The following MDFIC2 variants were observed in gnomAD, a reference collection of about 807,000 sequenced individuals.
MDFIC2 encodes MyoD family inhibitor domain containing 2.
At chr3:70,265,450 C>T (rs1255080943) in intron 2 of MDFIC2, among the ~76,000 whole-genome samples, 1 of 152,034 alleles carries the variant, frequency 6.6e-6, no homozygotes, top group Non-Finnish European at 1.5e-5. Flanking sequence ...TGATGACCAC[C>T]ACCCCAACCC....
chr3:70,223,850 A>T (rs1193760814), intron 2 of MDFIC2, among the ~76,000 whole-genome samples: 1 of 151,902 alleles, frequency 6.6e-6, no homozygotes, highest in African/African-American at 2.4e-5. Context: ...ACCCTTTTAG[A>T]CTTAATCTTT....
intron 2 of MDFIC2, among the ~76,000 whole-genome samples, chr3:70,297,978 CA>C (rs1206613286): frequency 3.3e-5 from 5 of 151,964 alleles, no homozygotes; most frequent in African/African-American, 4.8e-5. Context: ...CTTAAATAAT[CA>C]GGGGAGAAAT....
intron 2 of MDFIC2, among the ~76,000 whole-genome samples, chr3:70,286,068 T>A (rs1201990858): frequency 6.6e-6 from 1 of 152,202 alleles, no homozygotes; most frequent in Non-Finnish European, 1.5e-5. Context: ...TTTAATGAGA[T>A]CCCATTTGTC....
At chr3:70,244,589 A>G (rs1006109889) in intron 2 of MDFIC2, among the ~76,000 whole-genome samples, 5 of 152,356 alleles carry the variant, frequency 3.3e-5, no homozygotes, top group Admixed American at 2.6e-4. Flanking sequence ...TGACTGGTGA[A>G]TAAAATGAAA....
At chr3:70,305,974 T>C (rs1440506100) in intron 2 of MDFIC2, among the ~76,000 whole-genome samples, 1 of 152,204 alleles carries the variant, frequency 6.6e-6, no homozygotes, top group Admixed American at 6.6e-5. Flanking sequence ...CTCTAATATG[T>C]GTTAATTCTG....
At chr3:70,290,749 T>G (rs6549328) in intron 2 of MDFIC2, among the ~76,000 whole-genome samples, 41,986 of 152,008 alleles carry the variant, frequency 0.28, 6,496 homozygotes, top group East Asian at 0.44. Flanking sequence ...CAGGTGCAGG[T>G]TATAATCTCG....
intron 2 of MDFIC2, among the ~76,000 whole-genome samples, chr3:70,262,769 A>T (rs1302016408): frequency 6.6e-6 from 1 of 152,054 alleles, no homozygotes; most frequent in African/African-American, 2.4e-5. Context: ...GAAGATCTTT[A>T]GTTGTTATTT....
chr3:70,213,605 GT>G (rs1377861635), intron 2 of MDFIC2, among the ~76,000 whole-genome samples: 1 of 152,112 alleles, frequency 6.6e-6, no homozygotes, highest in Non-Finnish European at 1.5e-5. Flanking sequence ...ATTGTGGTTA[GT>G]AAAAGGAGTT....
intron 2 of MDFIC2, among the ~76,000 whole-genome samples, chr3:70,226,780 A>G (rs1271476266): frequency 6.6e-6 from 1 of 151,916 alleles, no homozygotes; most frequent in African/African-American, 2.4e-5. Flanking sequence ...CCAGGTGGCA[A>G]TTAAAAACAA....
At chr3:70,235,911 T>G (rs906270479) in intron 2 of MDFIC2, among the ~76,000 whole-genome samples, 2 of 152,216 alleles carry the variant, frequency 1.3e-5, no homozygotes, top group Admixed American at 6.5e-5. Flanking sequence ...TCAATGGACG[T>G]AAGCTTCCTA....
intron 2 of MDFIC2, among the ~76,000 whole-genome samples, chr3:70,232,678 A>C (rs1214780898): frequency 6.6e-6 from 1 of 152,094 alleles, no homozygotes; most frequent in East Asian, 1.9e-4. Context: ...GGATGAAGAC[A>C]TCATTCCTGA....
intron 2 of MDFIC2, among the ~76,000 whole-genome samples, chr3:70,277,209 C>A (rs915990843): frequency 6.6e-6 from 1 of 152,158 alleles, no homozygotes; most frequent in Non-Finnish European, 1.5e-5. Context: ...TAGCCCGTAT[C>A]TCCAGCTGCC....
intron 2 of MDFIC2, among the ~76,000 whole-genome samples, chr3:70,288,921 C>A: frequency 6.6e-6 from 1 of 151,830 alleles, no homozygotes; most frequent in East Asian, 1.9e-4. Context: ...GGTAGATCTT[C>A]CTCCATCCTT....
chr3:70,244,074 T>C (rs1184110134), intron 2 of MDFIC2, among the ~76,000 whole-genome samples: 1 of 152,186 alleles, frequency 6.6e-6, no homozygotes, highest in Non-Finnish European at 1.5e-5. Context: ...CGTAACTACT[T>C]TCCTAGCCTA....
intron 2 of MDFIC2, among the ~76,000 whole-genome samples, chr3:70,236,811 G>A (rs930016403): frequency 6.6e-6 from 1 of 152,068 alleles, no homozygotes; most frequent in Non-Finnish European, 1.5e-5. Context: ...GCCCAGGCTG[G>A]TCTCAAAGTC....
At chr3:70,218,434 T>C (rs1429638074) in intron 2 of MDFIC2, among the ~76,000 whole-genome samples, 2 of 152,180 alleles carry the variant, frequency 1.3e-5, no homozygotes, top group Non-Finnish European at 2.9e-5. Context: ...TGGAGACCAC[T>C]GGTCTGAGTA....
chr3:70,290,860 G>T (rs1254945608), intron 2 of MDFIC2, among the ~76,000 whole-genome samples: 1 of 152,202 alleles, frequency 6.6e-6, no homozygotes, highest in Non-Finnish European at 1.5e-5. Context: ...GACTAGGAAA[G>T]GGAACTCGCT....
intron 2 of MDFIC2, among the ~76,000 whole-genome samples, chr3:70,231,845 GCT>G (rs1393733157): frequency 6.6e-6 from 1 of 152,126 alleles, no homozygotes; most frequent in Non-Finnish European, 1.5e-5. Flanking sequence ...TCATCTGGAA[GCT>G]ACTAAACAGG....
At chr3:70,229,953 A>G (rs1169278016) in intron 2 of MDFIC2, among the ~76,000 whole-genome samples, 1 of 152,192 alleles carries the variant, frequency 6.6e-6, no homozygotes, top group Non-Finnish European at 1.5e-5. Flanking sequence ...ATAATGATAC[A>G]AATATTTAAT....
Sources: allele counts gnomAD v4.1 joint callset (sites outside exome capture counted in the v4.1 genomes callset), GRCh38; gene constraint gnomAD v4.1.1; transcripts MANE v1.5; gene names NCBI Gene and HGNC (gene_info 2026-07-23, HGNC 2026-07-21).